Variants in ARV1 observed in about 807,000 individuals in gnomAD.
ARV1 encodes the protein ARV1 fatty acid homeostasis modulator.
ARV1 carries 26 observed loss-of-function variants against 31.1 expected under a neutral mutation model. That is an observed-to-expected ratio of 0.84 (90% CI 0.61 to 1.16). The LOEUF is 1.16. ARV1 is among the 50% of genes most tolerant of loss of function. The pLI is 0.00. For synonymous variants in ARV1, 117 were observed against 123.2 expected, an observed-to-expected ratio of 0.95 and a Z score of 0.34; for missense variants, 281 against 324.9, an observed-to-expected ratio of 0.86 and a Z score of 1.04.
chr1:230,998,745 GAA>G (rs75089395), intron 5 of ARV1, among the ~76,000 whole-genome samples: 2 of 135,712 alleles, frequency 1.5e-5, no homozygotes, highest in African/African-American at 2.7e-5. Context: ...ATCTTTACAG[GAA>G]AAAAAAAAAA....
intron 1 of ARV1, among the ~76,000 whole-genome samples, chr1:230,983,973 A>G (rs993256509): frequency 2.0e-5 from 3 of 152,238 alleles, no homozygotes; most frequent in South Asian, 2.1e-4. Context: ...GTGATGATTC[A>G]CACCTATAAT....
chr1:230,980,346 T>C (rs1678838162), intron 1 of ARV1, among the ~76,000 whole-genome samples: 1 of 152,090 alleles, frequency 6.6e-6, no homozygotes, highest in Admixed American at 6.6e-5. Context: ...TCTTTCTTTC[T>C]TTCTTTTTGA....
At position 231,000,182 on chromosome 1, in the gene ARV1, AAG is replaced by A. The variant is rs1471543265; in HGVS notation, c.*53_*54del. The A allele has an allele frequency of 6.6e-6, 1 of 152,246 alleles. No homozygotes were observed. Among genetic ancestry groups the A allele is most frequent in the East Asian group, 1.9e-4 (1 of 5,208 alleles). The allele number at this position is 152,246 out of a possible 1,614,324, so 9.4% of individuals were successfully genotyped here. ...CTGTGGCATGACCAGCTGTATCTGA[AAG>A]AGAAAAGACATGAAATATAAACCAA... On this transcript the variant is annotated 3_prime_UTR_variant, in exon 6 of 6. Coordinates refer to ENST00000310256, the MANE Select transcript of ARV1 (RefSeq NM_022786.3).
chr1:230,985,181 T>C (rs911777042), intron 1 of ARV1, among the ~76,000 whole-genome samples: 9 of 151,502 alleles, frequency 5.9e-5, no homozygotes, highest in Non-Finnish European at 8.9e-5. Context: ...CAGCAAACTT[T>C]AATGACTTCT....
chr1:230,991,271 T>G (rs1679219592), intron 3 of ARV1, among the ~76,000 whole-genome samples: 1 of 152,218 alleles, frequency 6.6e-6, no homozygotes, highest in Non-Finnish European at 1.5e-5. Context: ...ATATCACATT[T>G]CTGGGCTGTG....
chr1:230,987,267 A>T (rs1679110072), intron 1 of ARV1, among the ~76,000 whole-genome samples: 1 of 152,220 alleles, frequency 6.6e-6, no homozygotes, highest in Non-Finnish European at 1.5e-5. Flanking sequence ...GACAGCATGC[A>T]ATTTAAAACT....
At chr1:230,986,601 C>A (rs1306335240) in intron 1 of ARV1, among the ~76,000 whole-genome samples, 1 of 150,584 alleles carries the variant, frequency 6.6e-6, no homozygotes, top group Non-Finnish European at 1.5e-5. Context: ...TAGTATGGAA[C>A]CCAATTACCA....
chr1:230,996,188 T>C (rs1405808404), intron 4 of ARV1, among the ~76,000 whole-genome samples: 1 of 152,206 alleles, frequency 6.6e-6, no homozygotes, highest in East Asian at 1.9e-4. Flanking sequence ...CTTTATAGTT[T>C]TCAAAATGCT....
chr1:230,980,544 C>G (rs1365373343), intron 1 of ARV1, among the ~76,000 whole-genome samples: 1 of 152,072 alleles, frequency 6.6e-6, no homozygotes, highest in Non-Finnish European at 1.5e-5. Flanking sequence ...ACCATGTTGA[C>G]CAGGCTGGTC....
chr1:230,996,381 G>A (rs541743480), intron 4 of ARV1, among the ~76,000 whole-genome samples: 1 of 152,194 alleles, frequency 6.6e-6, no homozygotes, highest in East Asian at 1.9e-4. Context: ...TACTATATCA[G>A]GAAGAGCAGC....
At position 230,988,457 on chromosome 1, in the gene ARV1, C is replaced by T. The variant is rs1218644489; in HGVS notation, c.294+18C>T. ...AAATAAATGTAAGTTGTGATAATTT[C>T]ATTTTTTAATTTTATTTGATGCTGT... On this transcript the variant is annotated intron_variant, in intron 2 of 5. Transcript: ENST00000310256. 3 of 1,480,830 alleles carry T rather than the reference C, an allele frequency of 2.0e-6. No homozygotes were observed. The highest frequency in any genetic ancestry group is 4.4e-5 in the Admixed American group (2 of 45,058). The allele number at this position is 1,480,830 out of a possible 1,614,324, so 91.7% of individuals were successfully genotyped here.
intron 1 of ARV1, among the ~76,000 whole-genome samples, chr1:230,980,658 A>G (rs965530467): frequency 6.6e-6 from 1 of 152,044 alleles, no homozygotes; most frequent in South Asian, 2.1e-4. Context: ...CAGGTTTGCA[A>G]CAACATAAAC....
chr1:230,990,209 A>G lies in ARV1; in HGVS notation c.394A>G (p.Ile132Val), dbSNP rs1357305931. ...SNQNTAPDDL[I>V]RYAKEWDFYR... ...CCAGAATACTGCCCCTGATGACTTGATCAGATATGCTAAGGAATGGGATTT... is the reference window on the plus strand; with the variant it reads ...CCAGAATACTGCCCCTGATGACTTGGTCAGATATGCTAAGGAATGGGATTT... Residue 132 changes from isoleucine to valine, a missense_variant, in exon 3 of 6, where the codon ATC becomes GTC. Ile to Val is a conservative substitution (Grantham distance 29, BLOSUM62 3). Coordinates refer to ENST00000310256, the MANE Select transcript of ARV1 (RefSeq NM_022786.3). The G allele has an allele frequency of 6.2e-7, 1 of 1,613,368 alleles. No individual in the cohort carries two copies. The highest frequency in any genetic ancestry group is 1.7e-5 in the Admixed American group (1 of 59,620).
intron 1 of ARV1, among the ~76,000 whole-genome samples, chr1:230,982,884 A>G (rs563830403): frequency 6.6e-6 from 1 of 152,272 alleles, no homozygotes; most frequent in Admixed American, 6.5e-5. Flanking sequence ...TTACTCATAT[A>G]TACTTTGGTC....
At chr1:230,980,469 T>G (rs979627383) in intron 1 of ARV1, among the ~76,000 whole-genome samples, 1 of 152,068 alleles carries the variant, frequency 6.6e-6, no homozygotes, top group Non-Finnish European at 1.5e-5. Flanking sequence ...CCCAAGTAGC[T>G]GGGATTACAG....
intron 3 of ARV1, chr1:230,990,680 C>G (rs890743094): frequency 2.9e-6 from 1 of 350,418 alleles, no homozygotes; most frequent in Admixed American, 3.0e-5. Context: ...TCGGCCCCCC[C>G]AGGTAGCTGG....
rs137859546 is a variant in ARV1, at chr1:230,980,563, A to G, written c.174+1284A>G. Among the ~76,000 whole-genome samples the G allele has an allele frequency of 7.5e-3, 1,147 of 152,096 alleles. 17 individuals are homozygous for G. Among genetic ancestry groups the G allele is most frequent in the African/African-American group, 0.027 (1,109 of 41,482 alleles). Reference sequence around the variant, plus strand: ...TGTTGACCAGGCTGGTCTTGAACTGACCTCAAATGATCCACCCACCTCGGC... The same window carrying G: ...TGTTGACCAGGCTGGTCTTGAACTGGCCTCAAATGATCCACCCACCTCGGC... On this transcript the variant is annotated intron_variant, in intron 1 of 5. Transcript: ENST00000310256.
At chr1:230,979,375 C>G in intron 1 of ARV1, 96 bp downstream of exon 1, 4 of 1,378,546 alleles carry the variant, frequency 2.9e-6, no homozygotes, top group Non-Finnish European at 4.0e-6. Context: ...GTCTTTAGTT[C>G]GGTAGTTGAC....
At position 230,990,140 on chromosome 1, in the gene ARV1, C is replaced by T; in HGVS notation, c.325C>T (p.Leu109Phe). The T allele has an allele frequency of 1.2e-6, 2 of 1,608,620 alleles. No individual in the cohort carries two copies. Among genetic ancestry groups the T allele is most frequent in the Non-Finnish European group, 1.7e-6 (2 of 1,178,738 alleles). The change falls in exon 3 of 6, where the codon CTT becomes TTT. Residue 109 changes from leucine (L) to phenylalanine (F), a missense_variant. Coordinates refer to ENST00000310256, the MANE Select transcript of ARV1 (RefSeq NM_022786.3). Reference sequence around the variant, plus strand: ...TGGAAAACTCTGCATATTTTGTTTGCTTTGTGAAGCATACCTGAGGTGGTG... The same window carrying T: ...TGGAAAACTCTGCATATTTTGTTTGTTTTGTGAAGCATACCTGAGGTGGTG... ...IHGKLCIFCL[L>F]CEAYLRWWQL...
Sources: allele counts gnomAD v4.1 joint callset (sites outside exome capture counted in the v4.1 genomes callset), GRCh38; gene constraint gnomAD v4.1.1; transcripts MANE v1.5; gene names NCBI Gene and HGNC (gene_info 2026-07-23, HGNC 2026-07-21).